Variants in SKAP2 observed in about 807,000 individuals in gnomAD.
The protein encoded by SKAP2 is src kinase-associated phosphoprotein 2.
In SKAP2, 28 loss-of-function variants were observed where a neutral mutation model predicts 54.9. That is an observed-to-expected ratio of 0.51 (90% CI 0.38 to 0.70). The LOEUF is 0.70. Ranked by LOEUF, SKAP2 falls within the 30% of genes least tolerant of loss-of-function variation. SKAP2 has a pLI of 0.00. For synonymous variants in SKAP2, 137 were observed against 134.3 expected, an observed-to-expected ratio of 1.02 and a Z score of -0.14; for missense variants, 356 against 424.1, an observed-to-expected ratio of 0.84 and a Z score of 1.41.
chr7:26,821,973 C>G (rs1266175918), intron 4 of SKAP2, among the ~76,000 whole-genome samples: 2 of 152,160 alleles, frequency 1.3e-5, no homozygotes, highest in Non-Finnish European at 1.5e-5. Context: ...CCTGCTTAAT[C>G]TGATACATTA....
At chr7:26,714,982 A>G (rs2127951616) in intron 9 of SKAP2, among the ~76,000 whole-genome samples, 1 of 152,308 alleles carries the variant, frequency 6.6e-6, no homozygotes, top group East Asian at 1.9e-4. Flanking sequence ...TTACTTGTTG[A>G]GATTTCTTGG....
intron 4 of SKAP2, among the ~76,000 whole-genome samples, chr7:26,806,976 G>A (rs1476842398): frequency 2.6e-5 from 4 of 152,192 alleles, no homozygotes; most frequent in Non-Finnish European, 5.9e-5. Flanking sequence ...GACTTCAGTG[G>A]AGAAAGTCGC....
At chr7:26,726,812 G>T in intron 7 of SKAP2, 70 bp downstream of exon 7, 1 of 1,259,704 alleles carries the variant, frequency 7.9e-7, no homozygotes, top group Non-Finnish European at 1.1e-6. Context: ...TTAATCAAAT[G>T]TTAATGTCTC....
chr7:26,707,218 G>C (rs746655019), intron 9 of SKAP2, among the ~76,000 whole-genome samples: 1 of 151,940 alleles, frequency 6.6e-6, no homozygotes, highest in Non-Finnish European at 1.5e-5. Flanking sequence ...AAATTAGCTG[G>C]GCATGGTGGT....
intron 10 of SKAP2, among the ~76,000 whole-genome samples, chr7:26,688,712 AT>A (rs957541654): frequency 1.3e-5 from 2 of 152,014 alleles, no homozygotes; most frequent in African/African-American, 4.8e-5. Context: ...AGGAAAACTG[AT>A]TTTTTTTCCT....
At position 26,673,826 on chromosome 7, in the gene SKAP2, G is replaced by A. The variant is rs1259044683; in HGVS notation, c.988-3634C>T. 2.6e-5 allele frequency among the ~76,000 whole-genome samples: 4 copies of A among 152,060 alleles called. No individual in the cohort carries two copies. In the South Asian group the frequency reaches 8.3e-4, roughly 32 times the overall value. On this transcript the variant is annotated intron_variant, in intron 11 of 12. Coordinates refer to ENST00000345317, the MANE Select transcript of SKAP2 (RefSeq NM_003930.5). ...AATTAATATTTATTGAGCAGTAAGA[G>A]TGACTGGGTAAGAAGGCAGGAAAAA...
chr7:26,843,206 C>A (rs962332093), intron 4 of SKAP2, among the ~76,000 whole-genome samples: 1 of 151,990 alleles, frequency 6.6e-6, no homozygotes, highest in Non-Finnish European at 1.5e-5. Flanking sequence ...GATGGAACTG[C>A]ACAGTTTGAT....
At chr7:26,748,890 T>C (rs949618521) in intron 4 of SKAP2, among the ~76,000 whole-genome samples, 2 of 152,158 alleles carry the variant, frequency 1.3e-5, no homozygotes, top group African/African-American at 2.4e-5. Context: ...GCAGGATAGC[T>C]ACCAGCTCTG....
chr7:26,826,598 C>T (rs1359365361), intron 4 of SKAP2, among the ~76,000 whole-genome samples: 2 of 152,172 alleles, frequency 1.3e-5, no homozygotes, highest in East Asian at 1.9e-4. Context: ...ATCTTATTCT[C>T]CTAGACCTGG....
chr7:26,691,057 T>C lies in SKAP2; in HGVS notation c.797-695A>G, dbSNP rs144018096. Among the ~76,000 whole-genome samples the C allele has an allele frequency of 8.1e-3, 1,232 of 152,280 alleles. 16 individuals are homozygous for C. Among genetic ancestry groups the C allele is most frequent in the African/African-American group, 0.028 (1,155 of 41,558 alleles). ...CTCATAGACAAATAATTTTTAATCC[T>C]CATTCTACAGACAAGTTTATCTTTA... On this transcript the variant is annotated intron_variant, in intron 9 of 12. Transcript: ENST00000345317.
At chr7:26,705,096 G>A (rs1271999723) in intron 9 of SKAP2, among the ~76,000 whole-genome samples, 2 of 152,006 alleles carry the variant, frequency 1.3e-5, no homozygotes, top group Non-Finnish European at 2.9e-5. Context: ...CCACCTTAGG[G>A]GCCTAGGGTC....
At chr7:26,763,957 T>C (rs1407288860) in intron 4 of SKAP2, among the ~76,000 whole-genome samples, 2 of 152,208 alleles carry the variant, frequency 1.3e-5, no homozygotes, top group Non-Finnish European at 2.9e-5. Flanking sequence ...TCATCAACTA[T>C]ACAATTCGTT....
intron 9 of SKAP2, among the ~76,000 whole-genome samples, chr7:26,700,932 A>G (rs1787009429): frequency 6.6e-6 from 1 of 152,220 alleles, no homozygotes; most frequent in African/African-American, 2.4e-5. Flanking sequence ...TACCTGGGCC[A>G]GAAGACAAAC....
At chr7:26,751,335 T>C (rs1301491355) in intron 4 of SKAP2, among the ~76,000 whole-genome samples, 1 of 150,930 alleles carries the variant, frequency 6.6e-6, no homozygotes, top group Non-Finnish European at 1.5e-5. Flanking sequence ...AATTATTTTA[T>C]GACTAACTTA....
At chr7:26,817,345 A>G (rs998044152) in intron 4 of SKAP2, among the ~76,000 whole-genome samples, 2 of 152,134 alleles carry the variant, frequency 1.3e-5, no homozygotes, top group Non-Finnish European at 2.9e-5. Flanking sequence ...GGGATTTAAA[A>G]GAATGTCAGC....
chr7:26,695,085 C>T (rs992478272), intron 9 of SKAP2, among the ~76,000 whole-genome samples: 1 of 151,802 alleles, frequency 6.6e-6, no homozygotes, highest in Admixed American at 6.6e-5. Flanking sequence ...ACATCAAGGC[C>T]GAGGACTGAT....
chr7:26,755,298 C>T (rs1168306535), intron 4 of SKAP2, among the ~76,000 whole-genome samples: 1 of 151,764 alleles, frequency 6.6e-6, no homozygotes, highest in Non-Finnish European at 1.5e-5. Context: ...AGACTTAGTC[C>T]AATTCTTTCT....
chr7:26,817,979 G>C (rs550527805), intron 4 of SKAP2, among the ~76,000 whole-genome samples: 2 of 152,106 alleles, frequency 1.3e-5, no homozygotes, highest in African/African-American at 4.8e-5. Context: ...TCATGGATAG[G>C]AAGAATCAAT....
At chr7:26,752,621 T>G (rs901654539) in intron 4 of SKAP2, among the ~76,000 whole-genome samples, 1 of 152,188 alleles carries the variant, frequency 6.6e-6, no homozygotes, top group Non-Finnish European at 1.5e-5. Context: ...CAAGAAAAAC[T>G]CCATTCTCTG....
Sources: allele counts gnomAD v4.1 joint callset (sites outside exome capture counted in the v4.1 genomes callset), GRCh38; gene constraint gnomAD v4.1.1; transcripts MANE v1.5; gene names NCBI Gene and HGNC (gene_info 2026-07-23, HGNC 2026-07-21).